SLCO1B1: variants seen among roughly 807,000 people sequenced by gnomAD.
SLCO1B1 encodes solute carrier organic anion transporter family member 1B1.
A neutral mutation model predicts 70.1 loss-of-function variants in SLCO1B1; 81 were observed. The observed-to-expected ratio is 1.16, with a 90% CI of 0.97 to 1.39. The LOEUF (loss-of-function observed/expected upper bound fraction) is 1.39, where lower values mean the gene tolerates loss of function less well. Ranked by LOEUF, SLCO1B1 falls within the 40% of genes most tolerant of loss-of-function variation. SLCO1B1 has a pLI of 0.00. For synonymous variants in SLCO1B1, 283 were observed against 271.5 expected, an observed-to-expected ratio of 1.04 and a Z score of -0.42; for missense variants, 895 against 799.6, an observed-to-expected ratio of 1.12 and a Z score of -1.44.
chr12:21,220,271 C>T (rs1290377784), intron 12 of SLCO1B1, among the ~76,000 whole-genome samples: 1 of 152,130 alleles, frequency 6.6e-6, no homozygotes, highest in East Asian at 1.9e-4. Flanking sequence ...GCTGAGCAGC[C>T]TGTTCAATAT....
Position 21,200,575 on chromosome 12 carries a change from G to A in SLCO1B1, c.1038G>A (p.Leu346=). Residue 346 remains leucine (L), a synonymous_variant, in exon 9 of 15, where the codon TTG becomes TTA. Coordinates refer to ENST00000256958, the MANE Select transcript of SLCO1B1 (RefSeq NM_006446.5). Reference sequence around the variant, plus strand: ...ATGTTATGTTTGTGCTTTTGACGTTGTTACAAGTAAGCAGCTATATTGGTG... The same window carrying A: ...ATGTTATGTTTGTGCTTTTGACGTTATTACAAGTAAGCAGCTATATTGGTG... ...PLYVMFVLLT[L]LQVSSYIGAF... The A allele has an allele frequency of 6.2e-7, 1 of 1,609,646 alleles. No individual in the cohort carries two copies. Among genetic ancestry groups the A allele is most frequent in the Non-Finnish European group, 8.5e-7 (1 of 1,177,212 alleles).
At chr12:21,231,542 G>A (rs1019442733) in intron 14 of SLCO1B1, among the ~76,000 whole-genome samples, 4 of 151,326 alleles carry the variant, frequency 2.6e-5, no homozygotes, top group African/African-American at 9.7e-5. Context: ...ACAGACTGAG[G>A]AAATAATTCA....
chr12:21,183,278 C>T (rs1225754660), intron 7 of SLCO1B1, among the ~76,000 whole-genome samples: 1 of 152,206 alleles, frequency 6.6e-6, no homozygotes, highest in Non-Finnish European at 1.5e-5. Flanking sequence ...TCACTGCAGC[C>T]TCAAGCTCCT....
intron 7 of SLCO1B1, among the ~76,000 whole-genome samples, chr12:21,191,610 T>C (rs1941030640): frequency 1.3e-5 from 2 of 152,114 alleles, no homozygotes; most frequent in Non-Finnish European, 2.9e-5. Flanking sequence ...TCTTTCAAGT[T>C]TGAATGTCTT....
In SLCO1B1 at chr12:21,239,158, C is replaced by G; in HGVS notation, c.2045C>G (p.Ser682Cys). Reference sequence around the variant, plus strand: ...AATAAAAATAAACATTTTGTCCCTTCTGCTGGGGCAGATAGTGAAACACAT... The same window carrying G: ...AATAAAAATAAACATTTTGTCCCTTGTGCTGGGGCAGATAGTGAAACACAT... ...SLNKNKHFVP[S>C]AGADSETHC The change falls in exon 15 of 15, where the codon TCT becomes TGT. Residue 682 changes from serine to cysteine, a missense_variant. Coordinates refer to ENST00000256958, the MANE Select transcript of SLCO1B1 (RefSeq NM_006446.5). The G allele has an allele frequency of 6.2e-7, 1 of 1,613,088 alleles. No homozygotes were observed. Among genetic ancestry groups the G allele is most frequent in the South Asian group, 1.1e-5 (1 of 91,022 alleles).
chr12:21,238,912 G>T, intron 14 of SLCO1B1, 67 bp from the exon 15 acceptor site: 1 of 952,256 alleles, frequency 1.1e-6, no homozygotes, highest in South Asian at 1.5e-5. Flanking sequence ...GGATACTGGA[G>T]AAAATGTTTT....
chr12:21,214,829 G>A (rs1643569533), intron 11 of SLCO1B1, among the ~76,000 whole-genome samples: 1 of 152,110 alleles, frequency 6.6e-6, no homozygotes, highest in Non-Finnish European at 1.5e-5. Context: ...CGATTTTCCA[G>A]GTGCTGTCCG....
At chr12:21,182,283 C>T (rs774337185) in intron 7 of SLCO1B1, among the ~76,000 whole-genome samples, 6 of 152,100 alleles carry the variant, frequency 3.9e-5, no homozygotes, top group South Asian at 2.1e-4. Context: ...AGAGAACCCA[C>T]GACCCCCAGA....
chr12:21,160,281 A>G (rs1393943100), intron 2 of SLCO1B1, among the ~76,000 whole-genome samples: 1 of 152,106 alleles, frequency 6.6e-6, no homozygotes, highest in Non-Finnish European at 1.5e-5. Context: ...AAACAGACAC[A>G]TAAACCAATG....
At position 21,217,150 on chromosome 12, in the gene SLCO1B1, C is replaced by G; in HGVS notation, c.1529C>G (p.Thr510Ser). 1 of 1,613,560 alleles carries G rather than the reference C, an allele frequency of 6.2e-7. No homozygotes were observed. Among genetic ancestry groups the G allele is most frequent in the Non-Finnish European group, 8.5e-7 (1 of 1,179,690 alleles). The change falls in exon 12 of 15, where the codon ACT becomes AGT. Residue 510 changes from threonine (T) to serine (S), a missense_variant. Thr to Ser is a moderately conservative substitution (Grantham distance 58). Coordinates refer to ENST00000256958, the MANE Select transcript of SLCO1B1 (RefSeq NM_006446.5). ...TACAACTGCAGTTGTTTGGAAGTAA[C>G]TGGTCTCCAGAACAGAAATTACTCA... is the stretch of plus-strand genomic sequence containing the variant. The part of the protein sequence containing the change: ...VFYNCSCLEV[T>S]GLQNRNYSAH...
chr12:21,155,608 T>G (rs1050400613), intron 2 of SLCO1B1, among the ~76,000 whole-genome samples: 27 of 152,174 alleles, frequency 1.8e-4, no homozygotes, highest in Admixed American at 1.1e-3. Context: ...AGTTTCTTTT[T>G]TATAGTAATT....
At chr12:21,222,716 A>G (rs1941443228) in intron 13 of SLCO1B1, among the ~76,000 whole-genome samples, 1 of 151,800 alleles carries the variant, frequency 6.6e-6, no homozygotes, top group East Asian at 1.9e-4. Context: ...TTTTTTTCAG[A>G]AAAATAAGAA....
chr12:21,225,339 C>T (rs113817187), intron 14 of SLCO1B1, among the ~76,000 whole-genome samples: 3 of 151,828 alleles, frequency 2.0e-5, no homozygotes, highest in East Asian at 1.9e-4. Flanking sequence ...TTACTCTATT[C>T]GTGGGGAGAG....
chr12:21,209,017 C>A (rs935539417), intron 11 of SLCO1B1, among the ~76,000 whole-genome samples: 15 of 150,972 alleles, frequency 9.9e-5, no homozygotes, highest in African/African-American at 3.4e-4. Context: ...TTCTAGGAGG[C>A]TTTTGGCAGA....
At chr12:21,238,941 T>G (rs576979786) in intron 14 of SLCO1B1, 38 bp from the exon 15 acceptor site, 111 of 1,293,310 alleles carry the variant, frequency 8.6e-5, no homozygotes, top group Non-Finnish European at 1.2e-4. Context: ...ACACACAATT[T>G]AAACTGATTT....
At chr12:21,226,883 T>C (rs1231773591) in intron 14 of SLCO1B1, among the ~76,000 whole-genome samples, 2 of 152,056 alleles carry the variant, frequency 1.3e-5, no homozygotes, top group Admixed American at 6.6e-5. Context: ...GTAAAAAGTA[T>C]GTTCTATTAA....
chr12:21,166,187 A>G (rs1410121786), intron 2 of SLCO1B1, among the ~76,000 whole-genome samples: 1 of 152,164 alleles, frequency 6.6e-6, no homozygotes, highest in Non-Finnish European at 1.5e-5. Flanking sequence ...TGATCTCAAT[A>G]TCGTAGAAGC....
rs192911820 is a variant in SLCO1B1 at position 21,197,040 on chromosome 12, A to G, written c.822A>G (p.Ile274Met). Residue 274 changes from isoleucine (I) to methionine (M), a missense_variant, in exon 8 of 15, where the codon ATA becomes ATG. Physicochemically the swap from Ile to Met is conservative, Grantham distance 10. Coordinates refer to ENST00000256958, the MANE Select transcript of SLCO1B1 (RefSeq NM_006446.5). ...GACTATTCTCCATTATTTCTTCCATACCATTCTTTTTCTTGCCCCAAACTC... is the reference window on the plus strand; with the variant it reads ...GACTATTCTCCATTATTTCTTCCATGCCATTCTTTTTCTTGCCCCAAACTC... ...VSGLFSIISS[I>M]PFFFLPQTPN... 5.0e-6 allele frequency: 8 copies of G among 1,613,680 alleles called. No homozygotes were observed. In the African/African-American group the frequency reaches 5.3e-5, roughly 11 times the overall value.
At chr12:21,162,143 G>T (rs1172073627) in intron 2 of SLCO1B1, among the ~76,000 whole-genome samples, 1 of 151,670 alleles carries the variant, frequency 6.6e-6, no homozygotes, top group African/African-American at 2.4e-5. Context: ...TAAAATATAT[G>T]AATATACATG....
Sources: gnomAD v4.1 joint callset for allele counts (sites outside exome capture counted in the v4.1 genomes callset) on GRCh38, gnomAD v4.1.1 for gene constraint, MANE v1.5 for transcripts, NCBI Gene and HGNC (gene_info 2026-07-23, HGNC 2026-07-21) for gene names.